The following ARFGEF3 variants were observed in gnomAD, a reference collection of about 807,000 sequenced individuals.
ARFGEF3 encodes ARFGEF family member 3.
Under a neutral mutation model 221.7 loss-of-function variants are expected in ARFGEF3, and 96 were observed. That is an observed-to-expected ratio of 0.43 (90% CI 0.37 to 0.51). The LOEUF (loss-of-function observed/expected upper bound fraction) is 0.51. Among genes scored for constraint, ARFGEF3 ranks in the 20% least tolerant of loss-of-function variants. The pLI is 0.00. For synonymous variants in ARFGEF3, 1,145 were observed against 1,126.8 expected, an observed-to-expected ratio of 1.02 and a Z score of -0.32; for missense variants, 2,410 against 2,789.9, an observed-to-expected ratio of 0.86 and a Z score of 3.07.
chr6:138,287,226 C>T, intron 17 of ARFGEF3, 42 bp downstream of exon 17: 15 of 1,441,850 alleles, frequency 1.0e-5, no homozygotes, highest in African/African-American at 1.4e-5. Flanking sequence ...GCCTTGGGTG[C>T]AGTATGCACA....
In ARFGEF3 at chr6:138,273,522, G is replaced by A. The variant is rs141596881; in HGVS notation, c.2129-4929G>A. ...TTTCTTACTCTAAATTGGATAGCAC[G>A]TCAGTGAGGCCAATCAGAGGGAAGA... On this transcript the variant is annotated intron_variant, in intron 12 of 33. Coordinates refer to ENST00000251691, the MANE Select transcript of ARFGEF3 (RefSeq NM_020340.5). 1.0e-3 allele frequency among the ~76,000 whole-genome samples: 159 copies of A among 152,332 alleles called. 1 individual carries two copies. The highest frequency in any genetic ancestry group is 3.7e-3 in the African/African-American group (153 of 41,568).
chr6:138,253,916 C>T lies in ARFGEF3; in HGVS notation c.702C>T (p.Cys234=). Residue 234 remains cysteine (C), a synonymous_variant, in exon 9 of 34, where the codon TGC becomes TGT. Coordinates refer to ENST00000251691, the MANE Select transcript of ARFGEF3 (RefSeq NM_020340.5). ...AGCTGCAGCTTCTCTACCTGGAGTGCATCCTGTCTGTGCTCAGCAGCTCCT... is the reference window on the plus strand; with the variant it reads ...AGCTGCAGCTTCTCTACCTGGAGTGTATCCTGTCTGTGCTCAGCAGCTCCT... ...SQQLQLLYLE[C]ILSVLSSSSS... is the part of the protein sequence containing the mutation. The T allele has an allele frequency of 1.3e-6, 2 of 1,594,904 alleles. No individual in the cohort carries two copies. Among genetic ancestry groups the T allele is most frequent in the Non-Finnish European group, 8.5e-7 (1 of 1,170,834 alleles).
chr6:138,321,048 C>T (rs1780018565), intron 28 of ARFGEF3, 63 bp from the exon 29 acceptor site: 2 of 877,090 alleles, frequency 2.3e-6, no homozygotes, highest in South Asian at 1.6e-5. Flanking sequence ...CTATAGATGG[C>T]CATTTCAATC....
intron 8 of ARFGEF3, among the ~76,000 whole-genome samples, chr6:138,251,716 T>A (rs1644938807): frequency 6.6e-6 from 1 of 151,944 alleles, no homozygotes; most frequent in Non-Finnish European, 1.5e-5. Flanking sequence ...TCACACCTTT[T>A]CCTCTGCTTC....
chr6:138,266,653 TC>T lies in ARFGEF3; in HGVS notation c.2128+3044del, dbSNP rs1200560284. 5.9e-5 allele frequency among the ~76,000 whole-genome samples: 9 copies of T among 151,970 alleles called. No homozygotes were observed. The South Asian group carries it at 1.3e-3, about 21-fold the overall frequency. On this transcript the variant is annotated intron_variant, in intron 12 of 33. Coordinates refer to ENST00000251691, the MANE Select transcript of ARFGEF3 (RefSeq NM_020340.5). ...TCATGAGGTTAGGAGATCGAGACCA[TC>T]CTGGCTAATATGGTGAAACCCCGTC... is the stretch of plus-strand genomic sequence containing the variant.
rs1158927142 is a variant in ARFGEF3, at chr6:138,162,072, G to T, written c.-15G>T. On this transcript the variant is annotated 5_prime_UTR_variant, in exon 1 of 34. Transcript: ENST00000251691. The surrounding 1 kb of genome is among the most constrained non-coding windows in gnomAD (Gnocchi z 4.7). The stretch of plus-strand genomic sequence containing the variant: ...CTCTCCCTGTGGGCGGCGGCCCGGC[G>T]CCTGGAAGGTCAAGATGGAAGAAAT... 3 of 1,570,240 alleles carry T rather than the reference G, an allele frequency of 1.9e-6. No individual in the cohort carries two copies. The highest frequency in any genetic ancestry group is 5.0e-5 in the East Asian group (2 of 39,706).
Position 138,286,885 on chromosome 6 carries a change from G to A in ARFGEF3, c.2754G>A (p.Leu918=). 1.2e-6 allele frequency: 2 copies of A among 1,613,338 alleles called. No homozygotes were observed. Among genetic ancestry groups the A allele is most frequent in the Non-Finnish European group, 1.7e-6 (2 of 1,179,908 alleles). ...CCATCTGCATGAGCCTCGACGGGCT[G>A]CGGAAAGCCGCACGGCTGAGCTGCG... ...RDAICMSLDG[L]RKAARLSCAL... The change falls in exon 16 of 34, where the codon CTG becomes CTA. Residue 918 remains leucine (L), a synonymous_variant. Transcript: ENST00000251691.
intron 16 of ARFGEF3, 21 bp downstream of exon 16, chr6:138,286,937 C>T (rs1398473609): frequency 5.6e-6 from 9 of 1,610,350 alleles, no homozygotes; most frequent in African/African-American, 1.3e-5. Flanking sequence ...GAGTAGTGTT[C>T]CCTGGCCGTG....
Position 138,304,344 on chromosome 6 carries a change from G to A in ARFGEF3, c.3829-2909G>A, listed in dbSNP as rs12661717. Among the ~76,000 whole-genome samples, 104 of 152,296 alleles carry A rather than the reference G, an allele frequency of 6.8e-4. 1 individual carries two copies. The East Asian group carries it at 0.016, about 24-fold the overall frequency. ...AGTGGTTGCCTCAGGCTGAGGGTGGGGTGGTGGAGTAGGCAATGACTACAA... is the reference window on the plus strand; with the variant it reads ...AGTGGTTGCCTCAGGCTGAGGGTGGAGTGGTGGAGTAGGCAATGACTACAA... On this transcript the variant is annotated intron_variant, in intron 22 of 33. Coordinates refer to ENST00000251691, the MANE Select transcript of ARFGEF3 (RefSeq NM_020340.5).
intron 13 of ARFGEF3, among the ~76,000 whole-genome samples, chr6:138,278,920 A>G (rs183322455): frequency 2.0e-5 from 3 of 152,322 alleles, no homozygotes; most frequent in Non-Finnish European, 4.4e-5. Context: ...TCATGTCATT[A>G]TTAAACATGT....
intron 5 of ARFGEF3, among the ~76,000 whole-genome samples, chr6:138,238,011 A>G (rs1379234877): frequency 1.3e-5 from 2 of 152,234 alleles, no homozygotes; most frequent in African/African-American, 4.8e-5. Context: ...GCTACCTAGT[A>G]ACACAGCTGA....
chr6:138,313,104 C>A lies in ARFGEF3; in HGVS notation c.4201-691C>A, dbSNP rs117214490. On this transcript the variant is annotated intron_variant, in intron 25 of 33. Coordinates refer to ENST00000251691, the MANE Select transcript of ARFGEF3 (RefSeq NM_020340.5). ...AAAGGATTGTAGTTGGTGAGACCCA[C>A]CAGAACAGGAATTTTGTCTGTTTGC... Among the ~76,000 whole-genome samples, 945 of 152,300 alleles carry A rather than the reference C, an allele frequency of 6.2e-3. 7 individuals carry two copies. The highest frequency in any genetic ancestry group is 0.014 in the Middle Eastern group (4 of 294).
chr6:138,215,859 TG>T, intron 4 of ARFGEF3: 1 of 130,266 alleles, frequency 7.7e-6, no homozygotes, highest in Non-Finnish European at 1.6e-5. Flanking sequence ...TGTGTGTGTG[TG>T]TGTGTGTGTG....
chr6:138,263,692 A>G, intron 12 of ARFGEF3, 81 bp downstream of exon 12: 2 of 1,288,674 alleles, frequency 1.6e-6, no homozygotes, highest in Non-Finnish European at 2.1e-6. Flanking sequence ...TATCATGCTT[A>G]TAGTTTGACG....
chr6:138,217,100 T>A (rs1306034885), intron 4 of ARFGEF3: 1 of 152,264 alleles, frequency 6.6e-6, no homozygotes, highest in Non-Finnish European at 1.5e-5. Context: ...GATTTTCCTT[T>A]AAATAGTTTA....
intron 2 of ARFGEF3, among the ~76,000 whole-genome samples, chr6:138,185,620 G>A (rs1310270365): frequency 6.6e-6 from 1 of 152,192 alleles, no homozygotes; most frequent in Non-Finnish European, 1.5e-5. Flanking sequence ...TGGTAACTTT[G>A]ATAAAATATG....
chr6:138,182,850 G>C (rs891627502), intron 2 of ARFGEF3, among the ~76,000 whole-genome samples: 3 of 152,112 alleles, frequency 2.0e-5, no homozygotes, highest in Non-Finnish European at 2.9e-5. Context: ...TCATTTTTAG[G>C]CCTAAAGGAA....
Position 138,238,509 on chromosome 6 carries a change from G to C in ARFGEF3, c.421G>C (p.Val141Leu). Residue 141 changes from valine (V) to leucine (L), a missense_variant and splice_region_variant, in exon 6 of 34, where the codon GTG (valine) becomes CTG (leucine). By Grantham distance (32) the Val-to-Leu change is conservative (BLOSUM62 1). Transcript: ENST00000251691. Reference protein sequence around the residue: ...NGSAVLKIAEVCIETYISSCH... With the variant: ...NGSAVLKIAELCIETYISSCH... ...TGTTGCTGTCTTATTTCTTTAACAGGTGTGCATTGAGACGTACATAAGCAG... is the reference window on the plus strand; with the variant it reads ...TGTTGCTGTCTTATTTCTTTAACAGCTGTGCATTGAGACGTACATAAGCAG... The C allele has an allele frequency of 6.2e-7, 1 of 1,613,172 alleles. No homozygotes were observed. The highest frequency in any genetic ancestry group is 8.5e-7 in the Non-Finnish European group (1 of 1,179,344).
chr6:138,211,337 C>T (rs1260787357), intron 4 of ARFGEF3, among the ~76,000 whole-genome samples: 1 of 152,168 alleles, frequency 6.6e-6, no homozygotes, highest in African/African-American at 2.4e-5. Flanking sequence ...CATGATGATG[C>T]CTGAGCTAGC....
Sources: gnomAD v4.1 joint callset for allele counts (sites outside exome capture counted in the v4.1 genomes callset) on GRCh38, gnomAD v4.1.1 for gene constraint, Gnocchi (gnomAD v3.1) non-coding constraint, MANE v1.5 for transcripts, NCBI Gene and HGNC (gene_info 2026-07-23, HGNC 2026-07-21) for gene names.